PTPRM: variants seen among roughly 807,000 people sequenced by gnomAD.
PTPRM encodes the protein protein tyrosine phosphatase receptor type M.
PTPRM carries 47 observed loss-of-function variants against 186.7 expected under a neutral mutation model. The ratio of observed to expected loss-of-function variants is 0.25; its 90% CI spans 0.20 to 0.32. The LOEUF is 0.32. Ranked by LOEUF, PTPRM falls within the 10% of genes least tolerant of loss-of-function variation. The pLI is 1.00. For missense variants in PTPRM, 1,494 were observed against 1,865.0 expected (o/e 0.80, Z 3.66); for synonymous variants, 668 against 674.9 (o/e 0.99, Z 0.16).
intron 13 of PTPRM, among the ~76,000 whole-genome samples, chr18:8,135,336 A>G (rs1403605980): frequency 6.6e-6 from 1 of 152,192 alleles, no homozygotes; most frequent in Non-Finnish European, 1.5e-5. Context: ...TAACAACACA[A>G]TTACATTTTT....
intron 20 of PTPRM, among the ~76,000 whole-genome samples, chr18:8,312,207 C>T (rs2095274008): frequency 6.6e-6 from 1 of 152,092 alleles, no homozygotes; most frequent in African/African-American, 2.4e-5. Context: ...CTTGTGGCAC[C>T]CTTCTGTGCA....
intron 13 of PTPRM, among the ~76,000 whole-genome samples, chr18:8,119,392 G>A (rs917041925): frequency 2.0e-5 from 3 of 152,142 alleles, no homozygotes; most frequent in Non-Finnish European, 2.9e-5. Context: ...GAACTGAAAA[G>A]AATGTCTGTT....
intron 23 of PTPRM, among the ~76,000 whole-genome samples, chr18:8,346,461 T>C (rs945707890): frequency 4.6e-5 from 7 of 152,200 alleles, no homozygotes; most frequent in African/African-American, 1.7e-4. Context: ...ACGAATCCTA[T>C]TGGGTGAGGG....
At chr18:8,193,415 T>G (rs1254447397) in intron 14 of PTPRM, among the ~76,000 whole-genome samples, 1 of 152,214 alleles carries the variant, frequency 6.6e-6, no homozygotes, top group African/African-American at 2.4e-5. Context: ...TCTTTCCAAT[T>G]TTATACTTTC....
chr18:7,655,844 T>C (rs1039827491), intron 1 of PTPRM, among the ~76,000 whole-genome samples: 2 of 152,122 alleles, frequency 1.3e-5, no homozygotes, highest in African/African-American at 4.8e-5. Flanking sequence ...GGCAAAACTA[T>C]GTACATAGGA....
At chr18:8,265,289 G>C (rs1002478865) in intron 19 of PTPRM, among the ~76,000 whole-genome samples, 14 of 152,202 alleles carry the variant, frequency 9.2e-5, no homozygotes, top group African/African-American at 3.1e-4. Context: ...GTTTCTCATT[G>C]TCTGAGGAAT....
At chr18:8,372,785 G>A (rs2155753) in intron 24 of PTPRM, among the ~76,000 whole-genome samples, 17,011 of 150,028 alleles carry the variant, frequency 0.11, 1,306 homozygotes, top group Middle Eastern at 0.2. Context: ...ATGAATAACC[G>A]CATTAAAACA....
intron 14 of PTPRM, among the ~76,000 whole-genome samples, chr18:8,223,617 G>A (rs2094179930): frequency 6.6e-6 from 1 of 152,154 alleles, no homozygotes; most frequent in Non-Finnish European, 1.5e-5. Context: ...GCAGTCCAAA[G>A]TTACATGATT....
chr18:7,648,824 G>C (rs2038627880), intron 1 of PTPRM, among the ~76,000 whole-genome samples: 1 of 152,028 alleles, frequency 6.6e-6, no homozygotes, highest in African/African-American at 2.4e-5. Context: ...CTGTTATCCA[G>C]ATTCTGCAGA....
chr18:7,935,725 T>C (rs1490081462), intron 5 of PTPRM, among the ~76,000 whole-genome samples: 3 of 152,166 alleles, frequency 2.0e-5, no homozygotes, highest in African/African-American at 7.2e-5. Flanking sequence ...CATGGGTAGA[T>C]TTTGTGTTGC....
intron 14 of PTPRM, among the ~76,000 whole-genome samples, chr18:8,184,990 A>G (rs563398251): frequency 2.0e-5 from 3 of 152,294 alleles, no homozygotes; most frequent in Admixed American, 2.0e-4. Flanking sequence ...TTCACCAAGT[A>G]TAATCTAACT....
At chr18:8,166,541 C>T (rs957506001) in intron 14 of PTPRM, among the ~76,000 whole-genome samples, 2 of 152,156 alleles carry the variant, frequency 1.3e-5, no homozygotes, top group African/African-American at 4.8e-5. Flanking sequence ...CTTGCATAAT[C>T]TAAATTAATA....
chr18:7,925,004 A>G (rs565910351), intron 4 of PTPRM, among the ~76,000 whole-genome samples: 1 of 152,280 alleles, frequency 6.6e-6, no homozygotes, highest in East Asian at 1.9e-4. Context: ...TTGGAAATGG[A>G]GAAAATATCT....
intron 1 of PTPRM, among the ~76,000 whole-genome samples, chr18:7,579,702 T>A (rs976008977): frequency 5.3e-5 from 8 of 152,180 alleles, no homozygotes; most frequent in Non-Finnish European, 1.2e-4. Context: ...GATCTCTAAA[T>A]TTGCCAATTT....
intron 14 of PTPRM, among the ~76,000 whole-genome samples, chr18:8,199,098 C>T (rs2093818438): frequency 6.6e-6 from 1 of 152,096 alleles, no homozygotes; most frequent in Non-Finnish European, 1.5e-5. Context: ...GCATGGTCCT[C>T]TTGATTTTCT....
intron 6 of PTPRM, among the ~76,000 whole-genome samples, chr18:7,954,487 AC>A (rs1380937067): frequency 6.6e-6 from 1 of 152,178 alleles, no homozygotes; most frequent in South Asian, 2.1e-4. Context: ...GATGAGATAA[AC>A]TGTAATTTCA....
At chr18:7,790,380 A>G (rs1026273662) in intron 2 of PTPRM, among the ~76,000 whole-genome samples, 2 of 152,164 alleles carry the variant, frequency 1.3e-5, no homozygotes, top group African/African-American at 4.8e-5. Context: ...CCATGTTTTG[A>G]TTCAGAGTAA....
intron 5 of PTPRM, among the ~76,000 whole-genome samples, chr18:7,942,601 A>G (rs916128158): frequency 6.9e-6 from 1 of 145,712 alleles, no homozygotes; most frequent in Non-Finnish European, 1.5e-5. Flanking sequence ...ATCTCAGGGC[A>G]GAAAGGGGCA....
rs151328477 is a variant in PTPRM, at chr18:7,957,962, A to G, written c.1132+2548A>G. 8.2e-3 allele frequency among the ~76,000 whole-genome samples: 1,244 copies of G among 152,328 alleles called. 6 individuals carry two copies. Among genetic ancestry groups the G allele is most frequent in the South Asian group, 0.032 (155 of 4,820 alleles). On this transcript the variant is annotated intron_variant, in intron 7 of 32. Coordinates refer to ENST00000580170, the MANE Select transcript of PTPRM (RefSeq NM_001105244.2). Reference sequence around the variant, plus strand: ...AAGCATTCTGCAGCAATAAGTGGAAAACATCCTTGGCCAGGGGCAAATGGT... The same window carrying G: ...AAGCATTCTGCAGCAATAAGTGGAAGACATCCTTGGCCAGGGGCAAATGGT...
Sources: gnomAD v4.1 joint callset for allele counts (sites outside exome capture counted in the v4.1 genomes callset) on GRCh38, gnomAD v4.1.1 for gene constraint, MANE v1.5 for transcripts, NCBI Gene and HGNC (gene_info 2026-07-23, HGNC 2026-07-21) for gene names.